The following AKT3 variants were observed in gnomAD, a reference collection of about 807,000 sequenced individuals.
AKT3 encodes RAC-gamma serine/threonine-protein kinase.
In AKT3, 15 loss-of-function variants were observed where a neutral mutation model predicts 65.3. That is an observed-to-expected ratio of 0.23 (90% confidence interval 0.15 to 0.35). The LOEUF (loss-of-function observed/expected upper bound fraction) is 0.35. AKT3 is among the 10% of genes least tolerant of loss of function. The pLI is 1.00. For synonymous variants in AKT3, 206 were observed against 183.8 expected, an observed-to-expected ratio of 1.12 and a Z score of -0.98; for missense variants, 243 against 576.5, an observed-to-expected ratio of 0.42 and a Z score of 5.92.
At chr1:243,762,521 T>C (rs1689551489) in intron 2 of AKT3, among the ~76,000 whole-genome samples, 1 of 152,074 alleles carries the variant, frequency 6.6e-6, no homozygotes, top group Non-Finnish European at 1.5e-5. Context: ...AACGGACTGT[T>C]TTCCGTACTA....
intron 3 of AKT3, among the ~76,000 whole-genome samples, chr1:243,684,819 G>C (rs866690884): frequency 3.3e-5 from 5 of 152,314 alleles, no homozygotes; most frequent in Non-Finnish European, 5.9e-5. Flanking sequence ...TTCAGCATCT[G>C]TTGTTTCCTG....
At chr1:243,789,862 T>C (rs1691505845) in intron 2 of AKT3, among the ~76,000 whole-genome samples, 1 of 152,244 alleles carries the variant, frequency 6.6e-6, no homozygotes, top group Non-Finnish European at 1.5e-5. Context: ...CATCTCCTTG[T>C]CCATCTCTAT....
At chr1:243,817,175 G>T (rs1249756163) in intron 2 of AKT3, among the ~76,000 whole-genome samples, 1 of 152,142 alleles carries the variant, frequency 6.6e-6, no homozygotes, top group Non-Finnish European at 1.5e-5. Context: ...CCATCTTTTA[G>T]TTCAGTGCAG....
intron 2 of AKT3, among the ~76,000 whole-genome samples, chr1:243,726,805 G>A (rs1687239408): frequency 6.6e-6 from 1 of 152,128 alleles, no homozygotes; most frequent in South Asian, 2.1e-4. Flanking sequence ...GAAAAAACAG[G>A]TAAGAATTTG....
intron 3 of AKT3, among the ~76,000 whole-genome samples, chr1:243,665,492 C>G (rs756424917): frequency 4.6e-5 from 7 of 152,180 alleles, no homozygotes; most frequent in Non-Finnish European, 1.0e-4. Flanking sequence ...GAGCCAGTCA[C>G]TCTAAACATG....
At chr1:243,667,174 CT>C (rs1682846932) in intron 3 of AKT3, among the ~76,000 whole-genome samples, 2 of 152,224 alleles carry the variant, frequency 1.3e-5, no homozygotes, top group Non-Finnish European at 2.9e-5. Context: ...CCATTCGTAA[CT>C]GGTTTTCCAC....
chr1:243,620,729 C>T (rs892192060), intron 6 of AKT3, among the ~76,000 whole-genome samples: 2 of 152,028 alleles, frequency 1.3e-5, no homozygotes, highest in African/African-American at 2.4e-5. Flanking sequence ...ATGAAAGCAC[C>T]GTTGTTCTCT....
At chr1:243,596,479 T>C (rs930237526) in intron 8 of AKT3, among the ~76,000 whole-genome samples, 25 of 152,280 alleles carry the variant, frequency 1.6e-4, no homozygotes, top group African/African-American at 6.0e-4. Flanking sequence ...AAAGTCTGAG[T>C]GAAGACATTT....
intron 8 of AKT3, among the ~76,000 whole-genome samples, chr1:243,611,105 G>T (rs1572026633): frequency 6.6e-6 from 1 of 152,098 alleles, no homozygotes; most frequent in African/African-American, 2.4e-5. Flanking sequence ...GATGTAAGAG[G>T]TTTCATCAAT....
intron 13 of AKT3, chr1:243,488,996 C>T: frequency 1.2e-6 from 2 of 1,613,222 alleles, no homozygotes; most frequent in Non-Finnish European, 1.7e-6. Flanking sequence ...TTTAATTCTG[C>T]GGTGGATTTT....
chr1:243,756,822 A>C (rs1689169670), intron 2 of AKT3, among the ~76,000 whole-genome samples: 1 of 152,262 alleles, frequency 6.6e-6, no homozygotes, highest in Non-Finnish European at 1.5e-5. Flanking sequence ...GAAAACTAGT[A>C]GTCACTACCT....
intron 12 of AKT3, among the ~76,000 whole-genome samples, chr1:243,532,347 TTTTTC>T (rs1671597082): frequency 6.6e-6 from 1 of 152,166 alleles, no homozygotes; most frequent in Admixed American, 6.5e-5. Context: ...TCCTAGCTTT[TTTTTC>T]TTTTTACTGT....
chr1:243,608,873 C>G (rs956310533), intron 8 of AKT3, among the ~76,000 whole-genome samples: 1 of 150,222 alleles, frequency 6.7e-6, no homozygotes, highest in Non-Finnish European at 1.5e-5. Flanking sequence ...CTGCCTTAGC[C>G]TCCCAAGGAG....
intron 8 of AKT3, among the ~76,000 whole-genome samples, chr1:243,594,444 CAA>C (rs1676457349): frequency 6.6e-6 from 1 of 152,098 alleles, no homozygotes; most frequent in South Asian, 2.1e-4. Context: ...GAAAAAAGAA[CAA>C]AGTTTTTCTC....
intron 2 of AKT3, among the ~76,000 whole-genome samples, chr1:243,803,356 G>T (rs921279372): frequency 2.5e-4 from 38 of 152,054 alleles, no homozygotes; most frequent in Non-Finnish European, 4.0e-4. Flanking sequence ...TGGGGCAAGT[G>T]GGGGACAGGA....
chr1:243,514,557 G>T (rs1670223859), intron 12 of AKT3, among the ~76,000 whole-genome samples: 1 of 152,120 alleles, frequency 6.6e-6, no homozygotes, highest in Non-Finnish European at 1.5e-5. Context: ...ACATGTATTT[G>T]TTACTGTCAA....
chr1:243,764,367 T>C (rs531977124), intron 2 of AKT3, among the ~76,000 whole-genome samples: 2 of 152,156 alleles, frequency 1.3e-5, no homozygotes, highest in Non-Finnish European at 2.9e-5. Flanking sequence ...AAAAAATACA[T>C]TTGTGCCGTG....
At chr1:243,640,600 G>A (rs755427522) in intron 5 of AKT3, among the ~76,000 whole-genome samples, 26 of 152,182 alleles carry the variant, frequency 1.7e-4, no homozygotes, top group Middle Eastern at 6.8e-3. Context: ...GAGAGACCCT[G>A]GAAGATAAAT....
chr1:243,823,510 T>A (rs1693981560), intron 2 of AKT3, among the ~76,000 whole-genome samples: 1 of 152,178 alleles, frequency 6.6e-6, no homozygotes, highest in South Asian at 2.1e-4. Context: ...TGACCCTATA[T>A]CTGGAAAATC....
Sources: allele counts gnomAD v4.1 joint callset (sites outside exome capture counted in the v4.1 genomes callset), GRCh38; gene constraint gnomAD v4.1.1; transcripts MANE v1.5; gene names NCBI Gene and HGNC (gene_info 2026-07-23, HGNC 2026-07-21).